The following PARG variants were observed in gnomAD, a reference collection of about 807,000 sequenced individuals.
PARG encodes the protein poly(ADP-ribose) glycohydrolase, also known as mitochondrial poly(ADP-ribose) glycohydrolase.
A neutral mutation model predicts 113.0 loss-of-function variants in PARG; 35 were observed. The observed-to-expected ratio is 0.31, with a 90% CI of 0.24 to 0.41. The LOEUF (loss-of-function observed/expected upper bound fraction) is 0.41. PARG is among the 10% of genes least tolerant of loss of function. The pLI is 1.00. For synonymous variants in PARG, 330 were observed against 409.9 expected (o/e 0.81, Z 2.36); for missense variants, 797 against 1,169.4 (o/e 0.68, Z 4.64).
chr10:49,903,901 A>C (rs1356494627), intron 7 of PARG, among the ~76,000 whole-genome samples: 3 of 152,206 alleles, frequency 2.0e-5, no homozygotes, highest in African/African-American at 7.2e-5. Flanking sequence ...TTTAAGATCT[A>C]TGCTTCAGAT....
chr10:49,933,037 A>G (rs1193685203), intron 3 of PARG, 140 bp downstream of exon 3: 5 of 643,356 alleles, frequency 7.8e-6, no homozygotes, highest in African/African-American at 1.8e-5. Flanking sequence ...TTTGGAGTCT[A>G]GGTTTAAATT....
intron 8 of PARG, among the ~76,000 whole-genome samples, chr10:49,881,798 G>T (rs114146563): frequency 0.07 from 10,604 of 152,194 alleles, 516 homozygotes; most frequent in African/African-American, 0.12. Flanking sequence ...AAAAGGTAAA[G>T]AATATTTTCA....
At chr10:49,920,033 A>C (rs1554848726) in intron 6 of PARG, among the ~76,000 whole-genome samples, 1 of 152,138 alleles carries the variant, frequency 6.6e-6, no homozygotes, top group African/African-American at 2.4e-5. Context: ...AAAAGGAATA[A>C]TGACTACAAA....
chr10:49,888,205 A>G (rs1286951209), intron 7 of PARG, among the ~76,000 whole-genome samples: 1 of 152,056 alleles, frequency 6.6e-6, no homozygotes, highest in Non-Finnish European at 1.5e-5. Context: ...ACATACATTG[A>G]TAACTATACT....
chr10:49,819,814 A>G (rs1843981406), intron 17 of PARG, among the ~76,000 whole-genome samples: 1 of 152,218 alleles, frequency 6.6e-6, no homozygotes, highest in Admixed American at 6.5e-5. Flanking sequence ...ACACTGGATG[A>G]GCGCTGGCAG....
intron 12 of PARG, among the ~76,000 whole-genome samples, chr10:49,859,868 A>G (rs1846174227): frequency 6.6e-6 from 1 of 152,164 alleles, no homozygotes. Context: ...GACCCTCTAC[A>G]ACAGTTGAGA....
chr10:49,896,263 T>C (rs1211819078), intron 7 of PARG, among the ~76,000 whole-genome samples: 3 of 152,162 alleles, frequency 2.0e-5, no homozygotes, highest in Non-Finnish European at 2.9e-5. Flanking sequence ...GACATAGTTG[T>C]TAATAGTTTT....
At chr10:49,878,830 T>C (rs191199492) in intron 9 of PARG, among the ~76,000 whole-genome samples, 23 of 151,608 alleles carry the variant, frequency 1.5e-4, no homozygotes, top group Non-Finnish European at 3.1e-4. Flanking sequence ...GCACAGATTA[T>C]AGCAATTTTC....
At chr10:49,843,505 A>G (rs918060627) in intron 14 of PARG, 49 bp downstream of exon 14, 3 of 1,204,296 alleles carry the variant, frequency 2.5e-6, no homozygotes, top group African/African-American at 3.0e-5. Flanking sequence ...GTCAAGCCCA[A>G]ATTCCTTTGC....
rs1302099085 is a variant in PARG at position 49,917,064 on chromosome 10, T to C, written c.1663-1073A>G. Among the ~76,000 whole-genome samples, 3 of 150,258 alleles carry C rather than the reference T, an allele frequency of 2.0e-5. No individual in the cohort carries two copies. The East Asian group carries it at 5.8e-4, about 29-fold the overall frequency. ...CACTTGGAATCAGGGGACATCCAAGTTCCTTAAGAAAAGAAAAGAGAAGAG... is the reference window on the plus strand; with the variant it reads ...CACTTGGAATCAGGGGACATCCAAGCTCCTTAAGAAAAGAAAAGAGAAGAG... On this transcript the variant is annotated intron_variant, in intron 6 of 17. Coordinates refer to ENST00000616448, the MANE Select transcript of PARG (RefSeq NM_003631.5).
chr10:49,941,782 T>C lies in PARG; in HGVS notation c.-57A>G, dbSNP rs1839097557. On this transcript the variant is annotated 5_prime_UTR_variant, in exon 1 of 18. Transcript: ENST00000616448. ...GGCCCGGGCGGAGAGCCTCATTCAC[T>C]AACCCTGAGAGAGATGGACTGCGCC... 2 of 1,538,802 alleles carry C rather than the reference T, an allele frequency of 1.3e-6. No individual in the cohort carries two copies. The highest frequency in any genetic ancestry group is 1.7e-6 in the Non-Finnish European group (2 of 1,146,518).
At chr10:49,906,935 G>C (rs1239221794) in intron 7 of PARG, among the ~76,000 whole-genome samples, 1 of 151,746 alleles carries the variant, frequency 6.6e-6, no homozygotes, top group Non-Finnish European at 1.5e-5. Flanking sequence ...ATTACAAAGG[G>C]AGACAGGAGC....
Position 49,879,674 on chromosome 10 carries a change from G to C in PARG, c.1987C>G (p.Arg663Gly). 1 of 1,518,624 alleles carries C rather than the reference G, an allele frequency of 6.6e-7. No individual in the cohort carries two copies. The highest frequency in any genetic ancestry group is 8.9e-7 in the Non-Finnish European group (1 of 1,121,516). 94.1% of individuals were successfully genotyped at this position (1,518,624 alleles called of 1,614,324 possible). A position where few individuals can be genotyped will look rare whatever the true frequency, so the allele number is the denominator to read the frequency against. The change falls in exon 9 of 18, where the codon CGA becomes GGA. Residue 663 changes from arginine to glycine, a missense_variant and splice_region_variant. By Grantham distance (125) the Arg-to-Gly change is moderately radical. Around this residue, in one of 5 missense-constraint regions of PARG, gnomAD observed 252 missense variants for 437.4 expected, o/e 0.58. Coordinates refer to ENST00000616448, the MANE Select transcript of PARG (RefSeq NM_003631.5). ...YSSYPDINFN[R>G]LFEGRSSRKP... ...AAGAGGTGTTTTCTGAAAACATACC[G>C]ATTGAAGTTAATGTCTGGGTAACTA...
chr10:49,832,876 A>G lies in PARG; in HGVS notation c.2574T>C (p.Ser858=). ...AYCGFLRPGV[S]SENLSAVATG... is the part of the protein sequence containing the mutation. ...TGGCCACTGCAGAAAGATTCTCTGAAGAAACTCCAGGACGGAGAAATCCAC... is the reference window on the plus strand; with the variant it reads ...TGGCCACTGCAGAAAGATTCTCTGAGGAAACTCCAGGACGGAGAAATCCAC... The change falls in exon 16 of 18, where the codon TCT becomes TCC. Residue 858 remains serine (S), a synonymous_variant. Coordinates refer to ENST00000616448, the MANE Select transcript of PARG (RefSeq NM_003631.5). 1.3e-6 allele frequency: 2 copies of G among 1,550,608 alleles called. No homozygotes were observed. The highest frequency in any genetic ancestry group is 2.4e-5 in the South Asian group (2 of 84,022).
At chr10:49,831,945 A>G (rs1019024342) in intron 16 of PARG, among the ~76,000 whole-genome samples, 1 of 152,122 alleles carries the variant, frequency 6.6e-6, no homozygotes, top group Non-Finnish European at 1.5e-5. Context: ...AAGTGGGGGC[A>G]GTCTTGTGGA....
intron 10 of PARG, among the ~76,000 whole-genome samples, chr10:49,868,530 A>G (rs1470526095): frequency 6.6e-6 from 1 of 152,234 alleles, no homozygotes; most frequent in Non-Finnish European, 1.5e-5. Flanking sequence ...AAGGGGGAAG[A>G]TGCCAAGTAC....
rs1837539578 is a variant in PARG, at chr10:49,917,332, T to C, written c.1663-1341A>G. Among the ~76,000 whole-genome samples the C allele has an allele frequency of 3.3e-5, 5 of 151,102 alleles. No individual in the cohort carries two copies. In the South Asian group the frequency reaches 1.0e-3, roughly 32 times the overall value. On this transcript the variant is annotated intron_variant, in intron 6 of 17. Coordinates refer to ENST00000616448, the MANE Select transcript of PARG (RefSeq NM_003631.5). ...GGTGAAACCATGTCTCTAATAAAAA[T>C]ACAAAAATTAGCTGGGTGTGGTGGC... is the stretch of plus-strand genomic sequence containing the variant.
At chr10:49,927,369 G>GAAAGAAAGAAAGAAA (rs1838239269) in intron 4 of PARG, among the ~76,000 whole-genome samples, 1 of 130,676 alleles carries the variant, frequency 7.7e-6, no homozygotes, top group African/African-American at 3.1e-5. Context: ...AAGGAAAGAA[G>GAAAGAAAGAAAGAAA]GAAAGAAAGA....
At position 49,818,737 on chromosome 10, in the gene PARG, C is replaced by A. The variant is rs1277806174; in HGVS notation, c.*603G>T. ...AAACCATTACAGATAAAAATGATAC[C>A]TCAAAAGTACAATTTCTGGAAATTA... is the stretch of plus-strand genomic sequence containing the variant. On this transcript the variant is annotated 3_prime_UTR_variant, in exon 18 of 18. Transcript: ENST00000616448. 6.6e-6 allele frequency: 1 copy of A among 151,954 alleles called. No individual in the cohort carries two copies. The highest frequency in any genetic ancestry group is 1.5e-5 in the Non-Finnish European group (1 of 68,018). 9.4% of individuals were successfully genotyped at this position (151,954 alleles called of 1,614,324 possible). A position where few individuals can be genotyped will look rare whatever the true frequency, so the allele number is the denominator to read the frequency against.
Sources: allele counts gnomAD v4.1 joint callset (sites outside exome capture counted in the v4.1 genomes callset), GRCh38; gene constraint gnomAD v4.1.1; regional missense constraint gnomAD v4.1.1; transcripts MANE v1.5; gene names NCBI Gene and HGNC (gene_info 2026-07-23, HGNC 2026-07-21).